ZNF608: variants seen among roughly 807,000 people sequenced by gnomAD.
The protein encoded by ZNF608 is zinc finger protein 608.
In ZNF608, 12 loss-of-function variants were observed where a neutral mutation model predicts 109.0. The ratio of observed to expected loss-of-function variants is 0.11; its 90% CI spans 0.07 to 0.18. The LOEUF (loss-of-function observed/expected upper bound fraction) is 0.18, where lower values mean the gene tolerates loss of function less well. Ranked by LOEUF, ZNF608 falls within the 10% of genes least tolerant of loss-of-function variation. The pLI, the probability that ZNF608 is intolerant of heterozygous loss-of-function variation, is 1.00. For synonymous variants in ZNF608, 732 were observed against 717.4 expected, an observed-to-expected ratio of 1.02 and a Z score of -0.33; for missense variants, 1,707 against 1,879.3, an observed-to-expected ratio of 0.91 and a Z score of 1.70.
intron 3 of ZNF608, among the ~76,000 whole-genome samples, chr5:124,664,062 C>T (rs527720263): frequency 2.6e-5 from 4 of 152,092 alleles, no homozygotes; most frequent in South Asian, 4.1e-4. Context: ...CTCATAACTA[C>T]GATGGGCTAA....
In ZNF608 at chr5:124,738,679, A is replaced by G. The variant is rs562625288; in HGVS notation, c.906+5405T>C. ...TTCATCACATTCAAATCACTGCACA[A>G]TATCTTATGAAACAGATTTTATCCC... On this transcript the variant is annotated intron_variant, in intron 2 of 9. Transcript: ENST00000513986. Among the ~76,000 whole-genome samples the G allele has an allele frequency of 5.9e-5, 9 of 152,330 alleles. 1 individual carries two copies. In the South Asian group the frequency reaches 1.9e-3, roughly 32 times the overall value.
At chr5:124,720,915 T>A (rs1178856791) in intron 2 of ZNF608, among the ~76,000 whole-genome samples, 1 of 146,756 alleles carries the variant, frequency 6.8e-6, no homozygotes, top group Non-Finnish European at 1.5e-5. Flanking sequence ...TATGTTATAA[T>A]AAACGCTTCT....
chr5:124,659,550 G>A (rs1751158839), intron 3 of ZNF608, among the ~76,000 whole-genome samples: 1 of 152,162 alleles, frequency 6.6e-6, no homozygotes, highest in Non-Finnish European at 1.5e-5. Flanking sequence ...AAAATCTCAT[G>A]CCTTGTGGGG....
At chr5:124,662,252 TTC>T (rs1751294422) in intron 3 of ZNF608, among the ~76,000 whole-genome samples, 2 of 152,246 alleles carry the variant, frequency 1.3e-5, no homozygotes, top group Admixed American at 6.5e-5. Context: ...TGGCTCTGAC[TTC>T]TTTCTTGGAT....
chr5:124,718,477 A>G (rs1266365413), intron 2 of ZNF608, among the ~76,000 whole-genome samples: 4 of 152,236 alleles, frequency 2.6e-5, no homozygotes, highest in African/African-American at 9.6e-5. Flanking sequence ...TAGCTGGTAG[A>G]TAACACTGCT....
intron 3 of ZNF608, among the ~76,000 whole-genome samples, chr5:124,687,145 C>T (rs925635748): frequency 6.6e-6 from 1 of 152,126 alleles, no homozygotes; most frequent in African/African-American, 2.4e-5. Context: ...AGACTCAAAA[C>T]TAGGAAAGAC....
At chr5:124,701,937 T>A (rs1378241910) in intron 2 of ZNF608, among the ~76,000 whole-genome samples, 3 of 152,312 alleles carry the variant, frequency 2.0e-5, no homozygotes, top group Middle Eastern at 3.4e-3. Context: ...GTTTTTCCAA[T>A]GCACAAATTC....
At chr5:124,718,414 T>C (rs1335217315) in intron 2 of ZNF608, among the ~76,000 whole-genome samples, 1 of 152,190 alleles carries the variant, frequency 6.6e-6, no homozygotes, top group African/African-American at 2.4e-5. Flanking sequence ...TACGAACTCT[T>C]TGAAGAAATG....
chr5:124,693,851 C>CCTTCCTTT (rs1455494499), intron 3 of ZNF608, among the ~76,000 whole-genome samples: 2 of 151,926 alleles, frequency 1.3e-5, no homozygotes, highest in Non-Finnish European at 2.9e-5. Context: ...CCGGACAATT[C>CCTTCCTTT]CTTCCTTTCT....
chr5:124,723,297 C>A (rs557900139), intron 2 of ZNF608, among the ~76,000 whole-genome samples: 1 of 152,182 alleles, frequency 6.6e-6, no homozygotes, highest in African/African-American at 2.4e-5. Flanking sequence ...GCGTGAGCCG[C>A]GCCCTGCCTT....
chr5:124,667,529 T>C (rs1455296897), intron 3 of ZNF608, among the ~76,000 whole-genome samples: 2 of 152,188 alleles, frequency 1.3e-5, no homozygotes, highest in African/African-American at 4.8e-5. Context: ...GATCTACAAG[T>C]AGCAGGGTCT....
At chr5:124,712,660 C>G (rs754495347) in intron 2 of ZNF608, among the ~76,000 whole-genome samples, 3 of 152,134 alleles carry the variant, frequency 2.0e-5, no homozygotes, top group Non-Finnish European at 4.4e-5. Flanking sequence ...CACGAGGAGA[C>G]AGTGCCCACC....
chr5:124,730,298 T>G (rs1748832747), intron 2 of ZNF608, among the ~76,000 whole-genome samples: 1 of 152,212 alleles, frequency 6.6e-6, no homozygotes, highest in African/African-American at 2.4e-5. Context: ...AGAGTTTACT[T>G]TAAGTGTCAA....
rs150796209 is a variant in ZNF608, at chr5:124,655,376, C to T, written c.1163-5679G>A. Among the ~76,000 whole-genome samples, 13 of 152,262 alleles carry T rather than the reference C, an allele frequency of 8.5e-5. No homozygotes were observed. The East Asian group carries it at 2.5e-3, about 29-fold the overall frequency. On this transcript the variant is annotated intron_variant, in intron 3 of 9. Coordinates refer to ENST00000513986, the MANE Select transcript of ZNF608 (RefSeq NM_020747.3). ...TCTTTAAAGTGCCTCATCCCCGGGACAGAAGTCTTTGCCAAGCATCGCAAA... is the reference window on the plus strand; with the variant it reads ...TCTTTAAAGTGCCTCATCCCCGGGATAGAAGTCTTTGCCAAGCATCGCAAA...
rs753973455 is a variant in ZNF608, at chr5:124,647,904, G to T, written c.2480C>A (p.Thr827Lys). 8.1e-6 allele frequency: 13 copies of T among 1,614,008 alleles called. No individual in the cohort carries two copies. Among genetic ancestry groups the T allele is most frequent in the African/African-American group, 1.3e-5 (1 of 74,888 alleles). The change falls in exon 5 of 10, where the codon ACG becomes AAG. Residue 827 changes from threonine (T) to lysine (K), a missense_variant. Physicochemically the swap from Thr to Lys is moderately conservative, Grantham distance 78. This residue lies in a region of ZNF608 where 1,073 missense variants were observed against 1,133.5 expected (regional missense o/e 0.95). Transcript: ENST00000513986. ...CTTGGCATCCATTTTTGGGCTTCCC[G>T]TCTCTTTCCCTTCTTTGTCCTTTAG... ...RKLKDKEGKE[T>K]GSPKMDAKLG...
intron 2 of ZNF608, among the ~76,000 whole-genome samples, chr5:124,737,626 G>T (rs1346824038): frequency 4.6e-5 from 7 of 152,122 alleles, no homozygotes; most frequent in Admixed American, 4.6e-4. Flanking sequence ...ATAAGTATTT[G>T]CTTTGTGATC....
intron 3 of ZNF608, among the ~76,000 whole-genome samples, chr5:124,695,972 T>C (rs926066131): frequency 9.9e-5 from 15 of 151,842 alleles, no homozygotes; most frequent in Non-Finnish European, 1.3e-4. Flanking sequence ...TCACCTGAGG[T>C]CAGGAGTTCG....
chr5:124,709,418 G>C (rs980239108), intron 2 of ZNF608, among the ~76,000 whole-genome samples: 2 of 152,206 alleles, frequency 1.3e-5, no homozygotes, highest in African/African-American at 4.8e-5. Context: ...AGTATGTAAA[G>C]ATGGAATATA....
At position 124,685,187 on chromosome 5, in the gene ZNF608, C is replaced by T. The variant is rs1373427522; in HGVS notation, c.1162+15827G>A. Among the ~76,000 whole-genome samples the T allele has an allele frequency of 4.6e-5, 7 of 152,308 alleles. No homozygotes were observed. In the East Asian group the frequency reaches 9.6e-4, roughly 21 times the overall value. ...CATGTATCCAAAAAAGAAGTTCATACGTAATAGAATTAAGGCTTTGGCTGC... is the reference window on the plus strand; with the variant it reads ...CATGTATCCAAAAAAGAAGTTCATATGTAATAGAATTAAGGCTTTGGCTGC... On this transcript the variant is annotated intron_variant, in intron 3 of 9. Transcript: ENST00000513986.
Sources: gnomAD v4.1 joint callset for allele counts (sites outside exome capture counted in the v4.1 genomes callset) on GRCh38, gnomAD v4.1.1 for gene constraint, gnomAD v4.1.1 regional missense constraint, MANE v1.5 for transcripts, NCBI Gene and HGNC (gene_info 2026-07-23, HGNC 2026-07-21) for gene names.